DYRK4: variants seen among roughly 807,000 people sequenced by gnomAD.
DYRK4 encodes dual specificity tyrosine-phosphorylation-regulated kinase 4.
Under a neutral mutation model 68.3 loss-of-function variants are expected in DYRK4, and 64 were observed. That is an observed-to-expected ratio of 0.94 (90% CI 0.77 to 1.15). The LOEUF is 1.15. DYRK4 is among the 50% of genes most tolerant of loss of function. The pLI, the probability that DYRK4 is intolerant of heterozygous loss-of-function variation, is 0.00. For synonymous variants in DYRK4, 274 were observed against 289.9 expected (o/e 0.95, Z 0.56); for missense variants, 740 against 764.7 (o/e 0.97, Z 0.38).
chr12:4,613,857 T>G lies in DYRK4; in HGVS notation c.*104T>G. On this transcript the variant is annotated 3_prime_UTR_variant, in exon 15 of 15. Coordinates refer to ENST00000543431, the MANE Select transcript of DYRK4 (RefSeq NM_001394779.1). This position sits in a 1 kb window ranked among gnomAD's most constrained non-coding sequence, Gnocchi z 4.0. ...ACTGTTTTTTTTAAATACATAAAACTTTATGTTAAAAAACTCTATTAACAT... is the reference window on the plus strand; with the variant it reads ...ACTGTTTTTTTTAAATACATAAAACGTTATGTTAAAAAACTCTATTAACAT... 1 of 1,346,152 alleles carries G rather than the reference T, an allele frequency of 7.4e-7. No homozygotes were observed. Among genetic ancestry groups the G allele is most frequent in the Non-Finnish European group, 9.7e-7 (1 of 1,032,480 alleles). The allele number at this position is 1,346,152 out of a possible 1,614,324, so 83.4% of individuals were successfully genotyped here.
intron 2 of DYRK4, among the ~76,000 whole-genome samples, chr12:4,586,476 A>C (rs1944897812): frequency 6.6e-6 from 1 of 152,194 alleles, no homozygotes; most frequent in Non-Finnish European, 1.5e-5. Flanking sequence ...ACGGGAGAGC[A>C]CACCCGCTTC....
In DYRK4 at chr12:4,613,327, G is replaced by C. The variant is rs1945249700; in HGVS notation, c.1667-188G>C. Among the ~76,000 whole-genome samples the C allele has an allele frequency of 6.6e-6, 1 of 152,212 alleles. No homozygotes were observed. ...GCCTGTTCTCCAGGGTCGCTGAAATGATCAGACGAATTAGTAAATGTACAG... is the reference window on the plus strand; with the variant it reads ...GCCTGTTCTCCAGGGTCGCTGAAATCATCAGACGAATTAGTAAATGTACAG... On this transcript the variant is annotated intron_variant, in intron 14 of 14. Transcript: ENST00000543431. This position sits in a 1 kb window ranked among gnomAD's most constrained non-coding sequence, Gnocchi z 4.0.
rs944948674 is a variant in DYRK4, at chr12:4,562,223, G to T, written c.-23G>T. The T allele has an allele frequency of 2.6e-6, 4 of 1,523,538 alleles. No homozygotes were observed. The highest frequency in any genetic ancestry group is 2.8e-5 in the African/African-American group (2 of 72,290). The allele number at this position is 1,523,538 out of a possible 1,614,324, so 94.4% of individuals were successfully genotyped here. On this transcript the variant is annotated 5_prime_UTR_variant, in exon 1 of 15. Coordinates refer to ENST00000543431, the MANE Select transcript of DYRK4 (RefSeq NM_001394779.1). The stretch of plus-strand genomic sequence containing the variant: ...CCGGGCTCTCACAGCCTCCCGCAGC[G>T]GCGGGCGGTCAGCGCCGGCCTCATG...
At position 4,562,301 on chromosome 12, in the gene DYRK4, T is replaced by C; in HGVS notation, c.38+18T>C. 6.5e-7 allele frequency: 1 copy of C among 1,530,870 alleles called. No individual in the cohort carries two copies. Among genetic ancestry groups the C allele is most frequent in the Non-Finnish European group, 8.7e-7 (1 of 1,144,598 alleles). The allele number at this position is 1,530,870 out of a possible 1,614,324, so 94.8% of individuals were successfully genotyped here. A position where few individuals can be genotyped will look rare whatever the true frequency, so the allele number is the denominator to read the frequency against. On this transcript the variant is annotated intron_variant, in intron 1 of 14. Coordinates refer to ENST00000543431, the MANE Select transcript of DYRK4 (RefSeq NM_001394779.1). ...GGAACAAAGTAAGGGCCGCGGAGGCTCGTACTTCACGAGCAGTCAGGCGCG... is the reference window on the plus strand; with the variant it reads ...GGAACAAAGTAAGGGCCGCGGAGGCCCGTACTTCACGAGCAGTCAGGCGCG...
chr12:4,585,503 T>C (rs1944887135), intron 2 of DYRK4, among the ~76,000 whole-genome samples: 1 of 152,136 alleles, frequency 6.6e-6, no homozygotes, highest in African/African-American at 2.4e-5. Flanking sequence ...CTGGAAACCA[T>C]CATTCTCAGC....
chr12:4,583,992 G>A (rs1362171266), intron 2 of DYRK4, among the ~76,000 whole-genome samples: 2 of 152,204 alleles, frequency 1.3e-5, no homozygotes, highest in Non-Finnish European at 2.9e-5. Context: ...TTCCAGGGCT[G>A]GCACATTGTG....
At chr12:4,587,379 A>C (rs926555539) in intron 2 of DYRK4, among the ~76,000 whole-genome samples, 6 of 152,064 alleles carry the variant, frequency 3.9e-5, no homozygotes, top group African/African-American at 1.4e-4. Flanking sequence ...TTGCATTCAC[A>C]GTGATCTTTT....
intron 12 of DYRK4, among the ~76,000 whole-genome samples, chr12:4,608,909 C>G (rs1237616945): frequency 6.6e-6 from 1 of 152,230 alleles, no homozygotes; most frequent in East Asian, 1.9e-4. Flanking sequence ...GTATAATTTA[C>G]ACATGGAGCA....
intron 1 of DYRK4, 84 bp from the exon 2 acceptor site, chr12:4,567,871 T>G: frequency 8.4e-7 from 1 of 1,195,372 alleles, no homozygotes; most frequent in Non-Finnish European, 1.2e-6. Flanking sequence ...CAAACCTGCC[T>G]GCTTTCTTCT....
At chr12:4,597,040 T>C in intron 8 of DYRK4, 3 of 1,175,180 alleles carry the variant, frequency 2.6e-6, no homozygotes, top group Non-Finnish European at 3.2e-6. Flanking sequence ...AGGACATTTC[T>C]TTGTTTGCAG....
chr12:4,583,652 C>T (rs1033293006), intron 2 of DYRK4, among the ~76,000 whole-genome samples: 2 of 152,110 alleles, frequency 1.3e-5, no homozygotes, highest in African/African-American at 2.4e-5. Context: ...GCCTCGGCCT[C>T]CCAAAGTGCT....
At chr12:4,586,969 G>T (rs1293880996) in intron 2 of DYRK4, among the ~76,000 whole-genome samples, 2 of 152,134 alleles carry the variant, frequency 1.3e-5, no homozygotes, top group East Asian at 3.8e-4. Context: ...CTAATAACTT[G>T]CCCAGGTTCA....
intron 2 of DYRK4, among the ~76,000 whole-genome samples, chr12:4,577,988 G>T (rs145671866): frequency 6.6e-6 from 1 of 152,100 alleles, no homozygotes; most frequent in Non-Finnish European, 1.5e-5. Flanking sequence ...CTTTTATCCT[G>T]CAGCTTTTAT....
At chr12:4,600,733 C>T (rs971499433) in intron 10 of DYRK4, among the ~76,000 whole-genome samples, 1 of 151,666 alleles carries the variant, frequency 6.6e-6, no homozygotes, top group Non-Finnish European at 1.5e-5. Context: ...CTTGGGGGCA[C>T]GCCACCCTCC....
intron 6 of DYRK4, among the ~76,000 whole-genome samples, chr12:4,595,927 T>A (rs1047586839): frequency 6.6e-6 from 1 of 152,202 alleles, no homozygotes; most frequent in African/African-American, 2.4e-5. Context: ...ATCAAGCCTG[T>A]GGGACTTTCC....
intron 12 of DYRK4, 95 bp downstream of exon 12, chr12:4,607,482 A>G: frequency 7.3e-7 from 1 of 1,361,464 alleles, no homozygotes; most frequent in Non-Finnish European, 1.0e-6. Flanking sequence ...GCCACATACC[A>G]AAGGGCTGTG....
At chr12:4,571,019 T>A (rs1409888263) in intron 2 of DYRK4, among the ~76,000 whole-genome samples, 1 of 152,158 alleles carries the variant, frequency 6.6e-6, no homozygotes, top group African/African-American at 2.4e-5. Flanking sequence ...CAGAGGCCCT[T>A]TGGTCCTCAG....
chr12:4,564,024 GGGT>G (rs1300665679), intron 1 of DYRK4, among the ~76,000 whole-genome samples: 3 of 152,164 alleles, frequency 2.0e-5, no homozygotes, highest in Admixed American at 6.5e-5. Context: ...TTCTTCCCCA[GGGT>G]GGGAAAATGG....
Position 4,596,291 on chromosome 12 carries a change from G to T in DYRK4, c.764+6G>T, listed in dbSNP as rs746194856. 3.1e-6 allele frequency: 5 copies of T among 1,614,162 alleles called. No individual in the cohort carries two copies. The Admixed American group carries it at 8.3e-5, about 27-fold the overall frequency. On this transcript the variant is annotated splice_donor_region_variant and intron_variant, in intron 7 of 14. Coordinates refer to ENST00000543431, the MANE Select transcript of DYRK4 (RefSeq NM_001394779.1). ...ATCATCAGGAACAAGAAGAGGTGTGGCTTGGGGATGACATAGGCCACAGAG... is the reference window on the plus strand; with the variant it reads ...ATCATCAGGAACAAGAAGAGGTGTGTCTTGGGGATGACATAGGCCACAGAG...
Sources: gnomAD v4.1 joint callset for allele counts (sites outside exome capture counted in the v4.1 genomes callset) on GRCh38, gnomAD v4.1.1 for gene constraint, Gnocchi (gnomAD v3.1) non-coding constraint, MANE v1.5 for transcripts, NCBI Gene and HGNC (gene_info 2026-07-23, HGNC 2026-07-21) for gene names.